Variants in DNAJB14 observed in about 807,000 individuals in gnomAD.
DNAJB14 encodes dnaJ homolog subfamily B member 14.
DNAJB14 carries 22 observed loss-of-function variants against 48.4 expected under a neutral mutation model. That is an observed-to-expected ratio of 0.45 (90% CI 0.32 to 0.65). The LOEUF is 0.65. Ranked by LOEUF, DNAJB14 falls within the 30% of genes least tolerant of loss-of-function variation. The pLI, the probability that DNAJB14 is intolerant of heterozygous loss-of-function variation, is 0.03. For missense variants in DNAJB14, 319 were observed against 458.8 expected (o/e 0.70, Z 2.78); for synonymous variants, 142 against 158.7 (o/e 0.89, Z 0.79).
intron 3 of DNAJB14, among the ~76,000 whole-genome samples, chr4:99,918,418 T>C (rs574754311): frequency 1.3e-5 from 2 of 152,384 alleles, no homozygotes; most frequent in Admixed American, 1.3e-4. Context: ...TAAACATTTA[T>C]AGAGTTTGAG....
chr4:99,930,934 T>C (rs1278409172), intron 1 of DNAJB14, among the ~76,000 whole-genome samples: 1 of 152,190 alleles, frequency 6.6e-6, no homozygotes. Context: ...GTCTTTAAAG[T>C]AGCCAATGAG....
At chr4:99,926,151 C>T (rs1177981316) in intron 2 of DNAJB14, 1 of 152,180 alleles carries the variant, frequency 6.6e-6, no homozygotes, top group East Asian at 1.9e-4. Flanking sequence ...GTTTGCTGCC[C>T]CTCTTATATC....
chr4:99,940,241 C>G (rs1288566493), intron 1 of DNAJB14, among the ~76,000 whole-genome samples: 1 of 152,082 alleles, frequency 6.6e-6, no homozygotes, highest in Non-Finnish European at 1.5e-5. Context: ...TTCTTTTTCA[C>G]AAAATACAAA....
chr4:99,917,713 G>A (rs1344112185), intron 3 of DNAJB14, among the ~76,000 whole-genome samples: 1 of 152,090 alleles, frequency 6.6e-6, no homozygotes, highest in Non-Finnish European at 1.5e-5. Flanking sequence ...AAAATGTCTT[G>A]ATTTCCCCTT....
chr4:99,936,362 G>C (rs898359475), intron 1 of DNAJB14, among the ~76,000 whole-genome samples: 2 of 152,172 alleles, frequency 1.3e-5, no homozygotes, highest in Admixed American at 6.5e-5. Flanking sequence ...TGAATATACT[G>C]TATGTGTGTG....
chr4:99,934,410 C>T (rs998184213), intron 1 of DNAJB14, among the ~76,000 whole-genome samples: 1 of 152,056 alleles, frequency 6.6e-6, no homozygotes, highest in African/African-American at 2.4e-5. Flanking sequence ...GCTAACAAAA[C>T]AGATGAACAC....
chr4:99,930,363 T>G, intron 2 of DNAJB14, 87 bp downstream of exon 2: 1 of 1,342,132 alleles, frequency 7.5e-7, no homozygotes, highest in Non-Finnish European at 1.0e-6. Context: ...TCTTCTAATG[T>G]TATATTTCAC....
intron 5 of DNAJB14, 100 bp downstream of exon 5, chr4:99,906,417 C>A: frequency 1.7e-6 from 2 of 1,195,938 alleles, no homozygotes; most frequent in Non-Finnish European, 1.2e-6. Context: ...TAAGAGAAAA[C>A]TCATTATTTC....
intron 3 of DNAJB14, 73 bp from the exon 4 acceptor site, chr4:99,908,969 A>C: frequency 9.0e-7 from 1 of 1,105,092 alleles, no homozygotes; most frequent in East Asian, 2.7e-5. Context: ...ATAAAAACTA[A>C]CATCATGCTG....
Position 99,917,805 on chromosome 4 carries a change from T to C in DNAJB14, c.451+5235A>G, listed in dbSNP as rs550842357. Reference sequence around the variant, plus strand: ...TTCAGCACTTGAAAAATGTGCCACTTCTTTCTGGCCTCTGTGGTTTCTGAT... The same window carrying C: ...TTCAGCACTTGAAAAATGTGCCACTCCTTTCTGGCCTCTGTGGTTTCTGAT... On this transcript the variant is annotated intron_variant, in intron 3 of 7. Coordinates refer to ENST00000442697, the MANE Select transcript of DNAJB14 (RefSeq NM_001031723.4). Among the ~76,000 whole-genome samples the C allele has an allele frequency of 2.6e-5, 4 of 152,342 alleles. No homozygotes were observed. In the South Asian group the frequency reaches 8.3e-4, roughly 32 times the overall value.
At chr4:99,923,680 A>G (rs1578226786) in intron 2 of DNAJB14, 1 of 985,046 alleles carries the variant, frequency 1.0e-6, no homozygotes, top group South Asian at 4.7e-5. Context: ...CAACAGCAGT[A>G]TTCTATGGTT....
chr4:99,910,483 G>A (rs1487943965), intron 3 of DNAJB14: 2 of 151,936 alleles, frequency 1.3e-5, no homozygotes, highest in Admixed American at 1.3e-4. Flanking sequence ...CCCATGTAAT[G>A]CAATAATGCT....
intron 1 of DNAJB14, among the ~76,000 whole-genome samples, chr4:99,938,334 G>A (rs1726763838): frequency 6.7e-6 from 1 of 148,432 alleles, no homozygotes; most frequent in South Asian, 2.1e-4. Flanking sequence ...TGCGACATGT[G>A]GACATGTGCT....
intron 1 of DNAJB14, among the ~76,000 whole-genome samples, chr4:99,936,203 AT>A (rs1726668610): frequency 6.6e-6 from 1 of 152,234 alleles, no homozygotes; most frequent in African/African-American, 2.4e-5. Context: ...TAATGAAGCA[AT>A]TTGTTACATA....
At chr4:99,910,638 T>C (rs1725625294) in intron 3 of DNAJB14, among the ~76,000 whole-genome samples, 1 of 152,076 alleles carries the variant, frequency 6.6e-6, no homozygotes, top group African/African-American at 2.4e-5. Flanking sequence ...TCTATAATTG[T>C]ACACATAAGA....
intron 3 of DNAJB14, among the ~76,000 whole-genome samples, chr4:99,914,550 G>A (rs142238139): frequency 0.014 from 2,102 of 152,032 alleles, 55 homozygotes; most frequent in African/African-American, 0.048. Context: ...TGTAAATGAC[G>A]AGTTAACGGA....
chr4:99,919,090 G>A (rs1333407175), intron 3 of DNAJB14, among the ~76,000 whole-genome samples: 2 of 152,174 alleles, frequency 1.3e-5, no homozygotes, highest in African/African-American at 4.8e-5. Context: ...GACTTTGCTA[G>A]TGTGGGTCAG....
Position 99,900,484 on chromosome 4 carries a change from A to C in DNAJB14, c.*544T>G, listed in dbSNP as rs954929524. On this transcript the variant is annotated 3_prime_UTR_variant, in exon 8 of 8. Coordinates refer to ENST00000442697, the MANE Select transcript of DNAJB14 (RefSeq NM_001031723.4). ...TTCCCTCTAAGCTGATAATACTATA[A>C]GATTTTACACAAAGTTAAAGTTTTT... 10 of 152,104 alleles carry C rather than the reference A, an allele frequency of 6.6e-5. No homozygotes were observed. The highest frequency in any genetic ancestry group is 1.5e-4 in the Non-Finnish European group (10 of 67,956). The allele number at this position is 152,104 out of a possible 1,614,324, so 9.4% of individuals were successfully genotyped here. A position where few individuals can be genotyped will look rare whatever the true frequency, so the allele number is the denominator to read the frequency against.
intron 1 of DNAJB14, among the ~76,000 whole-genome samples, chr4:99,938,343 CTTT>C (rs200523338): frequency 1.3e-4 from 16 of 120,070 alleles, no homozygotes; most frequent in Admixed American, 1.7e-4. Flanking sequence ...TGGACATGTG[CTTT>C]TTTTTTTTTT....
Sources: allele counts gnomAD v4.1 joint callset (sites outside exome capture counted in the v4.1 genomes callset), GRCh38; gene constraint gnomAD v4.1.1; transcripts MANE v1.5; gene names NCBI Gene and HGNC (gene_info 2026-07-23, HGNC 2026-07-21).